Variants in KCNQ1OT1 observed in about 807,000 individuals in gnomAD.
KCNQ1OT1 encodes the protein KCNQ1 opposite strand/antisense transcript 1, also known as KCNQ1 antisense RNA 2 (non-protein coding).
In KCNQ1OT1 at chr11:2,695,369, G is replaced by C. The variant is rs1850656155; in HGVS notation, n.4626C>G. 2.5e-6 allele frequency: 1 copy of C among 398,372 alleles called. No homozygotes were observed. The highest frequency in any genetic ancestry group is 4.4e-6 in the Non-Finnish European group (1 of 226,070). The allele number at this position is 398,372 out of a possible 1,614,324, so 24.7% of individuals were successfully genotyped here. A position where few individuals can be genotyped will look rare whatever the true frequency, so the allele number is the denominator to read the frequency against. On this transcript the variant is annotated non_coding_transcript_exon_variant, in exon 1 of 1. Transcript: ENST00000597346. The surrounding 1 kb of genome is among the most constrained non-coding windows in gnomAD (Gnocchi z 5.2). ...GCACTCACGAGCACTCCCTAGTACT[G>C]CGTGTCTGGGTGGTGTGTAATTTTA...
exon 1 of KCNQ1OT1, chr11:2,636,905 T>C (rs1001034997): frequency 6.6e-6 from 1 of 152,330 alleles, no homozygotes; most frequent in East Asian, 1.9e-4. Flanking sequence ...CTTCCTGGTT[T>C]AGTCTTGGAA....
At position 2,678,114 on chromosome 11, in the gene KCNQ1OT1, C is replaced by T; in HGVS notation, n.21881G>A. 1 of 398,306 alleles carries T rather than the reference C, an allele frequency of 2.5e-6. No individual in the cohort carries two copies. The highest frequency in any genetic ancestry group is 4.4e-6 in the Non-Finnish European group (1 of 225,944). 24.7% of individuals were successfully genotyped at this position (398,306 alleles called of 1,614,324 possible). ...TTGTAGAAACTTGCTTTGTCATATT[C>T]ATTGAAAATATTTTATCCTCATTTT... is the stretch of plus-strand genomic sequence containing the variant. On this transcript the variant is annotated non_coding_transcript_exon_variant, in exon 1 of 1. Coordinates refer to ENST00000597346, the Ensembl canonical transcript of KCNQ1OT1. The surrounding 1 kb of genome is among the most constrained non-coding windows in gnomAD (Gnocchi z 4.9).
At position 2,661,838 on chromosome 11, in the gene KCNQ1OT1, G is replaced by T. The variant is rs1590014719; in HGVS notation, n.38157C>A. 1 of 1,277,282 alleles carries T rather than the reference G, an allele frequency of 7.8e-7. No homozygotes were observed. Among genetic ancestry groups the T allele is most frequent in the Non-Finnish European group, 1.1e-6 (1 of 884,534 alleles). 79.1% of individuals were successfully genotyped at this position (1,277,282 alleles called of 1,614,324 possible). ...ACCCAACTATAAAACTGATTGTCAG[G>T]GCTGGAGCTTCCAGGCACAAGCTCC... is the stretch of plus-strand genomic sequence containing the variant. On this transcript the variant is annotated non_coding_transcript_exon_variant, in exon 1 of 1. Coordinates refer to ENST00000597346, the Ensembl canonical transcript of KCNQ1OT1. The surrounding 1 kb of genome is among the most constrained non-coding windows in gnomAD (Gnocchi z 5.9).
At chr11:2,630,713 A>T (rs1345986447) in exon 1 of KCNQ1OT1, 1 of 398,312 alleles carries the variant, frequency 2.5e-6, no homozygotes, top group Non-Finnish European at 4.4e-6. Context: ...ACTAATTATC[A>T]TCCTTCCATT....
In KCNQ1OT1 at chr11:2,621,615, T is replaced by G; in HGVS notation, n.78380A>C. 1 of 398,520 alleles carries G rather than the reference T, an allele frequency of 2.5e-6. No homozygotes were observed. The highest frequency in any genetic ancestry group is 4.4e-6 in the Non-Finnish European group (1 of 226,020). 24.7% of individuals were successfully genotyped at this position (398,520 alleles called of 1,614,324 possible). On this transcript the variant is annotated non_coding_transcript_exon_variant, in exon 1 of 1. Transcript: ENST00000597346. This position sits in a 1 kb window ranked among gnomAD's most constrained non-coding sequence, Gnocchi z 5.7. ...TATTCCTGATTTAATCTTAGCAGGT[T>G]GGTTTTTTTCTAGGAATTTGTCCAT...
At chr11:2,636,039 C>A (rs1175965682) in exon 1 of KCNQ1OT1, 2 of 152,134 alleles carry the variant, frequency 1.3e-5, no homozygotes, top group African/African-American at 4.8e-5. Flanking sequence ...GATTTTGTAT[C>A]CTGAGACTTT....
rs424834 is a variant in KCNQ1OT1 at position 2,699,707 on chromosome 11, G to C, written n.288C>G. The C allele has an allele frequency of 1.3e-3, 287 of 215,908 alleles. 2 individuals are homozygous for C. The highest frequency in any genetic ancestry group is 4.4e-3 in the Middle Eastern group (4 of 906). 13.4% of individuals were successfully genotyped at this position (215,908 alleles called of 1,614,324 possible). ...AAGCCCCGGGTGCCCCGAGGAGAACGGCGCCGAGGAGTCCCCGGGGAGAAC... is the reference window on the plus strand; with the variant it reads ...AAGCCCCGGGTGCCCCGAGGAGAACCGCGCCGAGGAGTCCCCGGGGAGAAC... On this transcript the variant is annotated non_coding_transcript_exon_variant, in exon 1 of 1. Coordinates refer to ENST00000597346, the Ensembl canonical transcript of KCNQ1OT1.
In KCNQ1OT1 at chr11:2,647,388, T is replaced by A. The variant is rs1378378808; in HGVS notation, n.52607A>T. On this transcript the variant is annotated non_coding_transcript_exon_variant, in exon 1 of 1. Coordinates refer to ENST00000597346, the Ensembl canonical transcript of KCNQ1OT1. This position sits in a 1 kb window ranked among gnomAD's most constrained non-coding sequence, Gnocchi z 4.0. ...TGGATTCAGATTGCTAGTTTGTGTG[T>A]CTGTGTGTGTGTTTTGTTTCTGAGG... The A allele has an allele frequency of 2.5e-6, 1 of 398,520 alleles. No homozygotes were observed. The highest frequency in any genetic ancestry group is 4.4e-6 in the Non-Finnish European group (1 of 226,066). 24.7% of individuals were successfully genotyped at this position (398,520 alleles called of 1,614,324 possible). A position where few individuals can be genotyped will look rare whatever the true frequency, so the allele number is the denominator to read the frequency against.
rs1215839595 is a variant in KCNQ1OT1, at chr11:2,620,882, T to C, written n.79113A>G. On this transcript the variant is annotated non_coding_transcript_exon_variant, in exon 1 of 1. Transcript: ENST00000597346. The surrounding 1 kb of genome is among the most constrained non-coding windows in gnomAD (Gnocchi z 4.5). ...TTTTTTGACTTTTTAATAATTGCCA[T>C]TCTGACTGGTGTGAGATGGCATCCC... The C allele has an allele frequency of 5.0e-6, 2 of 398,586 alleles. No homozygotes were observed. Among genetic ancestry groups the C allele is most frequent in the East Asian group, 7.1e-5 (2 of 28,068 alleles). The allele number at this position is 398,586 out of a possible 1,614,324, so 24.7% of individuals were successfully genotyped here. A position where few individuals can be genotyped will look rare whatever the true frequency, so the allele number is the denominator to read the frequency against.
At position 2,658,163 on chromosome 11, in the gene KCNQ1OT1, A is replaced by G. The variant is rs1382748732; in HGVS notation, n.41832T>C. On this transcript the variant is annotated non_coding_transcript_exon_variant, in exon 1 of 1. Transcript: ENST00000597346. The surrounding 1 kb of genome is among the most constrained non-coding windows in gnomAD (Gnocchi z 4.9). Reference sequence around the variant, plus strand: ...TACCACAGCAATTAAAATACATTTCAAGGAAGAAACTGTGAAGTTTCTGAG... The same window carrying G: ...TACCACAGCAATTAAAATACATTTCGAGGAAGAAACTGTGAAGTTTCTGAG... 7.8e-5 allele frequency: 31 copies of G among 398,534 alleles called. No individual in the cohort carries two copies. The East Asian group carries it at 1.1e-3, about 14-fold the overall frequency. The allele number at this position is 398,534 out of a possible 1,614,324, so 24.7% of individuals were successfully genotyped here.
In KCNQ1OT1 at chr11:2,671,354, G is replaced by C; in HGVS notation, n.28641C>G. The C allele has an allele frequency of 2.5e-6, 1 of 398,498 alleles. No individual in the cohort carries two copies. The highest frequency in any genetic ancestry group is 4.4e-5 in the Admixed American group (1 of 22,730). 24.7% of individuals were successfully genotyped at this position (398,498 alleles called of 1,614,324 possible). A position where few individuals can be genotyped will look rare whatever the true frequency, so the allele number is the denominator to read the frequency against. ...GAGGCTCCCTCTGAAGATGACACTG[G>C]GAATATCCTGAAAAAGGTACAGGAA... On this transcript the variant is annotated non_coding_transcript_exon_variant, in exon 1 of 1. Coordinates refer to ENST00000597346, the Ensembl canonical transcript of KCNQ1OT1. This position sits in a 1 kb window ranked among gnomAD's most constrained non-coding sequence, Gnocchi z 4.7.
chr11:2,685,797 G>A (rs1023087684), exon 1 of KCNQ1OT1: 12 of 398,588 alleles, frequency 3.0e-5, no homozygotes, highest in African/African-American at 1.6e-4. Flanking sequence ...CACAGTCAGC[G>A]TTCCTGAGAA....
At position 2,698,416 on chromosome 11, in the gene KCNQ1OT1, GC is replaced by G; in HGVS notation, n.1578del. 1 of 392,150 alleles carries G rather than the reference GC, an allele frequency of 2.6e-6. No homozygotes were observed. The highest frequency in any genetic ancestry group is 3.7e-5 in the East Asian group (1 of 27,208). The allele number at this position is 392,150 out of a possible 1,614,324, so 24.3% of individuals were successfully genotyped here. On this transcript the variant is annotated non_coding_transcript_exon_variant, in exon 1 of 1. Transcript: ENST00000597346. This position sits in a 1 kb window ranked among gnomAD's most constrained non-coding sequence, Gnocchi z 5.1. ...GTACTGGGATCTGAACATAGTGGTGGCCCTTCAAGCCTACTACCCAGACTGA... is the reference window on the plus strand; with the variant it reads ...GTACTGGGATCTGAACATAGTGGTGGCCTTCAAGCCTACTACCCAGACTGA...
At chr11:2,643,725 G>A (rs1383814169) in exon 1 of KCNQ1OT1, 1 of 398,366 alleles carries the variant, frequency 2.5e-6, no homozygotes, top group African/African-American at 2.1e-5. Flanking sequence ...TCATGAAGTT[G>A]TCCTTTCACT....
chr11:2,609,763 TTA>T, exon 1 of KCNQ1OT1: 1 of 398,166 alleles, frequency 2.5e-6, no homozygotes, highest in South Asian at 1.3e-4. Context: ...CATTTTATCA[TTA>T]TGAGATATTC....
exon 1 of KCNQ1OT1, chr11:2,662,591 C>T (rs1849982140): frequency 2.4e-6 from 1 of 417,880 alleles, no homozygotes; most frequent in Non-Finnish European, 4.2e-6. Flanking sequence ...GCATGCCCGT[C>T]CTCCCCCGCC....
rs1849280280 is a variant in KCNQ1OT1 at position 2,627,467 on chromosome 11, T to G, written n.72528A>C. 2.5e-6 allele frequency: 1 copy of G among 398,436 alleles called. No individual in the cohort carries two copies. The highest frequency in any genetic ancestry group is 4.4e-5 in the Admixed American group (1 of 22,706). The allele number at this position is 398,436 out of a possible 1,614,324, so 24.7% of individuals were successfully genotyped here. Reference sequence around the variant, plus strand: ...AACATTTCCTATTTCCCCTACTCCCTGACCCCTAGTAACCACCCTTCTACT... The same window carrying G: ...AACATTTCCTATTTCCCCTACTCCCGGACCCCTAGTAACCACCCTTCTACT... On this transcript the variant is annotated non_coding_transcript_exon_variant, in exon 1 of 1. Transcript: ENST00000597346. This position sits in a 1 kb window ranked among gnomAD's most constrained non-coding sequence, Gnocchi z 4.9.
rs1465973978 is a variant in KCNQ1OT1, at chr11:2,663,720, C to T, written n.36275G>A. 5.0e-6 allele frequency: 2 copies of T among 398,716 alleles called. No individual in the cohort carries two copies. Among genetic ancestry groups the T allele is most frequent in the East Asian group, 7.1e-5 (2 of 28,078 alleles). 24.7% of individuals were successfully genotyped at this position (398,716 alleles called of 1,614,324 possible). On this transcript the variant is annotated non_coding_transcript_exon_variant, in exon 1 of 1. Coordinates refer to ENST00000597346, the Ensembl canonical transcript of KCNQ1OT1. The surrounding 1 kb of genome is among the most constrained non-coding windows in gnomAD (Gnocchi z 5.2). Reference sequence around the variant, plus strand: ...TTACCAACTCTTGGGTCTTGCAAGGCCCCTGCAGGTGAAGGTGGTGAGAGA... The same window carrying T: ...TTACCAACTCTTGGGTCTTGCAAGGTCCCTGCAGGTGAAGGTGGTGAGAGA...
exon 1 of KCNQ1OT1, chr11:2,699,486 GGGGAGAGTGCCGCGCTGAGGAGCCCCCA>G: frequency 3.2e-6 from 1 of 309,552 alleles, no homozygotes; most frequent in African/African-American, 3.4e-5. Context: ...AGGAGCCCCC[GGGGAGAGTGCCGCGCTGAGGAGCCCCCA>G]GGAGAGTGCC....
Sources: allele counts gnomAD v4.1 joint callset, GRCh38; gene constraint gnomAD v4.1.1; non-coding constraint Gnocchi (gnomAD v3.1); transcripts MANE v1.5; gene names NCBI Gene and HGNC (gene_info 2026-07-23, HGNC 2026-07-21).